Variants in GALNTL6 observed in about 807,000 individuals in gnomAD.
GALNTL6 encodes the protein polypeptide N-acetylgalactosaminyltransferase-like 6.
In GALNTL6, 46 loss-of-function variants were observed where a neutral mutation model predicts 73.7. That is an observed-to-expected ratio of 0.62 (90% CI 0.49 to 0.80). The LOEUF (loss-of-function observed/expected upper bound fraction) is 0.80. GALNTL6 is among the 30% of genes least tolerant of loss of function. The pLI is 0.00. For missense variants in GALNTL6, 604 were observed against 755.0 expected, an observed-to-expected ratio of 0.80 and a Z score of 2.34; for synonymous variants, 259 against 263.7, an observed-to-expected ratio of 0.98 and a Z score of 0.17.
chr4:172,309,399 C>A (rs1740269983), intron 3 of GALNTL6, among the ~76,000 whole-genome samples: 1 of 129,802 alleles, frequency 7.7e-6, no homozygotes, highest in African/African-American at 2.8e-5. Flanking sequence ...ATATAAAAAT[C>A]TCTAAAGATT....
chr4:172,817,446 A>G (rs1435795054), intron 7 of GALNTL6, among the ~76,000 whole-genome samples: 14 of 152,124 alleles, frequency 9.2e-5, no homozygotes, highest in Non-Finnish European at 5.9e-5. Context: ...GAATTAAAAT[A>G]AACAAGAAAT....
At position 172,422,369 on chromosome 4, in the gene GALNTL6, A is replaced by G. The variant is rs180957898; in HGVS notation, c.553+73680A>G. On this transcript the variant is annotated intron_variant, in intron 5 of 12. Transcript: ENST00000506823. ...TCTTCCCTTTGCTTGACCTATCCAC[A>G]GCCTATTATTTTTATAATAACAGGT... 2.5e-3 allele frequency among the ~76,000 whole-genome samples: 255 copies of G among 100,158 alleles called. 1 individual carries two copies. The highest frequency in any genetic ancestry group is 4.4e-3 in the Non-Finnish European group (183 of 41,954). The allele number at this position is 100,158 out of a possible 152,430, so 65.7% of individuals were successfully genotyped here.
At chr4:172,262,866 C>T (rs774552852) in intron 3 of GALNTL6, among the ~76,000 whole-genome samples, 16 of 151,466 alleles carry the variant, frequency 1.1e-4, no homozygotes, top group Non-Finnish European at 1.8e-4. Flanking sequence ...TTTATCTCTC[C>T]TTCATTTATT....
chr4:172,958,302 A>G (rs539372524), intron 10 of GALNTL6, among the ~76,000 whole-genome samples: 1 of 152,322 alleles, frequency 6.6e-6, no homozygotes, highest in East Asian at 1.9e-4. Context: ...TAAAAAGCCT[A>G]CAGGGTGCGG....
chr4:172,318,724 A>C (rs1460413664), intron 4 of GALNTL6, among the ~76,000 whole-genome samples: 4 of 145,284 alleles, frequency 2.8e-5, no homozygotes, highest in Non-Finnish European at 6.0e-5. Context: ...AAAAAAACCA[A>C]CAACAACAAA....
intron 5 of GALNTL6, among the ~76,000 whole-genome samples, chr4:172,409,860 G>A (rs764509392): frequency 6.6e-6 from 1 of 152,006 alleles, no homozygotes; most frequent in African/African-American, 2.4e-5. Context: ...TAACTGAAAA[G>A]AAAGAAGTTC....
chr4:172,334,920 A>G (rs999521250), intron 4 of GALNTL6, among the ~76,000 whole-genome samples: 4 of 150,590 alleles, frequency 2.7e-5, no homozygotes, highest in Admixed American at 2.6e-4. Flanking sequence ...GAAGGTTTTT[A>G]TTGTAAAGAG....
Position 171,906,662 on chromosome 4 carries a change from A to G in GALNTL6, c.138+91944A>G, listed in dbSNP as rs995935936. Among the ~76,000 whole-genome samples the G allele has an allele frequency of 9.2e-5, 14 of 152,168 alleles. No individual in the cohort carries two copies. In the East Asian group the frequency reaches 9.6e-4, roughly 10 times the overall value. ...CATTTTATGAGGCCAGCATCATCCC[A>G]ATACCAAAGCCTGGCAGAGACACAA... On this transcript the variant is annotated intron_variant, in intron 2 of 12. Coordinates refer to ENST00000506823, the MANE Select transcript of GALNTL6 (RefSeq NM_001034845.3).
chr4:172,262,337 T>G (rs1467837587), intron 3 of GALNTL6, among the ~76,000 whole-genome samples: 1 of 151,538 alleles, frequency 6.6e-6, no homozygotes, highest in Non-Finnish European at 1.5e-5. Flanking sequence ...TTTAGGATTG[T>G]GATATTTTCC....
intron 2 of GALNTL6, among the ~76,000 whole-genome samples, chr4:172,054,712 A>G (rs1309550552): frequency 6.6e-6 from 1 of 152,202 alleles, no homozygotes; most frequent in African/African-American, 2.4e-5. Context: ...TTTTGAGGGA[A>G]CATAAACATT....
chr4:171,871,567 T>C (rs926787047), intron 2 of GALNTL6, among the ~76,000 whole-genome samples: 6 of 152,196 alleles, frequency 3.9e-5, no homozygotes, highest in Non-Finnish European at 8.8e-5. Flanking sequence ...TTAGTTATAT[T>C]GCCCGCATCC....
intron 5 of GALNTL6, among the ~76,000 whole-genome samples, chr4:172,709,115 T>C (rs956427023): frequency 6.6e-6 from 1 of 152,210 alleles, no homozygotes; most frequent in Non-Finnish European, 1.5e-5. Flanking sequence ...TTGCGCACCC[T>C]ACTCAAAAGA....
chr4:172,699,667 T>C (rs907453778), intron 5 of GALNTL6, among the ~76,000 whole-genome samples: 4 of 152,164 alleles, frequency 2.6e-5, no homozygotes, highest in African/African-American at 9.7e-5. Context: ...GACCAGATAC[T>C]ATAATCATGA....
chr4:172,681,738 G>T (rs1732642345), intron 5 of GALNTL6, among the ~76,000 whole-genome samples: 1 of 152,086 alleles, frequency 6.6e-6, no homozygotes, highest in East Asian at 1.9e-4. Flanking sequence ...TATGTTTCAG[G>T]ACAAGAACCT....
intron 12 of GALNTL6, among the ~76,000 whole-genome samples, chr4:173,036,008 A>G (rs547412028): frequency 6.6e-6 from 1 of 151,284 alleles, no homozygotes; most frequent in Admixed American, 6.5e-5. Flanking sequence ...TTTTATATCT[A>G]TTAACTCTTT....
intron 5 of GALNTL6, among the ~76,000 whole-genome samples, chr4:172,350,184 A>G (rs34735035): frequency 0.23 from 35,341 of 151,944 alleles, 4,678 homozygotes; most frequent in East Asian, 0.35. Context: ...ACTAGGAGAA[A>G]TAGGCCAGTG....
intron 2 of GALNTL6, among the ~76,000 whole-genome samples, chr4:171,882,177 C>A (rs1736467963): frequency 6.6e-6 from 1 of 152,106 alleles, no homozygotes; most frequent in Admixed American, 6.6e-5. Context: ...TAAATACATT[C>A]AATGTTATTT....
intron 3 of GALNTL6, among the ~76,000 whole-genome samples, chr4:172,283,249 A>G (rs6553617): frequency 0.64 from 97,586 of 152,068 alleles, 33,156 homozygotes; most frequent in African/African-American, 0.89. Context: ...AGAATAGTAA[A>G]GATGTTAAAA....
At chr4:172,437,972 A>G (rs1731695680) in intron 5 of GALNTL6, among the ~76,000 whole-genome samples, 1 of 151,918 alleles carries the variant, frequency 6.6e-6, no homozygotes, top group East Asian at 1.9e-4. Flanking sequence ...TAAAAGAACC[A>G]TTTTCACTCC....
Sources: gnomAD v4.1 joint callset for allele counts (sites outside exome capture counted in the v4.1 genomes callset) on GRCh38, gnomAD v4.1.1 for gene constraint, MANE v1.5 for transcripts, NCBI Gene and HGNC (gene_info 2026-07-23, HGNC 2026-07-21) for gene names.